ADGRE3: variants seen among roughly 807,000 people sequenced by gnomAD.
ADGRE3 encodes adhesion G protein-coupled receptor E3.
In ADGRE3, 88 loss-of-function variants were observed where a neutral mutation model predicts 80.1. The observed-to-expected ratio is 1.10, with a 90% CI of 0.93 to 1.31. The LOEUF (loss-of-function observed/expected upper bound fraction) is 1.31, where lower values mean the gene tolerates loss of function less well. Ranked by LOEUF, ADGRE3 falls within the 40% of genes most tolerant of loss-of-function variation. The pLI is 0.00. For synonymous variants in ADGRE3, 281 were observed against 294.8 expected (o/e 0.95, Z 0.48); for missense variants, 715 against 776.5 (o/e 0.92, Z 0.94).
the ADGRE3 span, among the ~76,000 whole-genome samples, chr19:14,607,540 AT>A: frequency 6.9e-6 from 1 of 143,920 alleles, no homozygotes; most frequent in African/African-American, 2.6e-5. Flanking sequence ...TACTTGTTTT[AT>A]TTTATTTTAT....
chr19:14,647,502 C>T (rs1203630044), intron 7 of ADGRE3, 137 bp from the exon 8 acceptor site: 14 of 626,550 alleles, frequency 2.2e-5, no homozygotes, highest in African/African-American at 7.5e-5. Context: ...CTGCAACCTC[C>T]GCCTCCCGGG....
the ADGRE3 span, among the ~76,000 whole-genome samples, chr19:14,613,579 T>TTA: frequency 2.6e-5 from 4 of 152,166 alleles, no homozygotes; most frequent in African/African-American, 4.8e-5. Flanking sequence ...GAACAGGTGC[T>TTA]TATAGCAAGG....
intron 11 of ADGRE3, among the ~76,000 whole-genome samples, chr19:14,637,151 A>G (rs1199200884): frequency 6.6e-6 from 1 of 152,186 alleles, no homozygotes; most frequent in East Asian, 1.9e-4. Context: ...ATATTCTTTC[A>G]GGTCCTGTGT....
chr19:14,634,837 T>G (rs1231105939), intron 11 of ADGRE3, among the ~76,000 whole-genome samples: 2 of 140,914 alleles, frequency 1.4e-5, no homozygotes, highest in African/African-American at 5.3e-5. Flanking sequence ...GCCTGGCTGG[T>G]GAAGCAACTG....
At chr19:14,642,034 G>GGA (rs1051986690) in intron 9 of ADGRE3, among the ~76,000 whole-genome samples, 1 of 152,172 alleles carries the variant, frequency 6.6e-6, no homozygotes, top group African/African-American at 2.4e-5. Context: ...GCTGGGGAGA[G>GGA]GAGAGAGAGA....
downstream of ADGRE3, among the ~76,000 whole-genome samples, chr19:14,616,746 T>C (rs1347803941): frequency 3.3e-5 from 5 of 151,210 alleles, no homozygotes; most frequent in Non-Finnish European, 5.9e-5. Flanking sequence ...AGTGAGGAGG[T>C]TGGAGCAAGT....
rs1176602153 is a variant in ADGRE3 at position 14,632,986 on chromosome 19, G to A, written c.1578C>T (p.Val526=). 6.2e-7 allele frequency: 1 copy of A among 1,613,730 alleles called. No homozygotes were observed. Among genetic ancestry groups the A allele is most frequent in the Non-Finnish European group, 8.5e-7 (1 of 1,179,816 alleles). The change falls in exon 13 of 16, where the codon GTC becomes GTT. Residue 526 remains valine, a synonymous_variant. Transcript: ENST00000253673. The part of the protein sequence containing the change: ...FSANLVLFIL[V]FWILKRKLSS... Reference sequence around the variant, plus strand: ...AAAGTTTTCTTTTCAAAATCCAAAAGACCAAGATAAACAATACTAAATTCG... The same window carrying A: ...AAAGTTTTCTTTTCAAAATCCAAAAAACCAAGATAAACAATACTAAATTCG...
chr19:14,630,304 G>A (rs575872289), intron 13 of ADGRE3, 97 bp from the exon 14 acceptor site: 6 of 986,116 alleles, frequency 6.1e-6, no homozygotes, highest in African/African-American at 3.3e-5. Flanking sequence ...TCTGGAGCTA[G>A]ACTACCTGAG....
At chr19:14,601,540 T>G in the ADGRE3 span, among the ~76,000 whole-genome samples, 1 of 152,094 alleles carries the variant, frequency 6.6e-6, no homozygotes, top group African/African-American at 2.4e-5. Flanking sequence ...TTACAGCTAG[T>G]GGGATTTAAG....
intron 7 of ADGRE3, among the ~76,000 whole-genome samples, chr19:14,649,191 C>CCTCT (rs775759889): frequency 2.2e-5 from 3 of 139,486 alleles, no homozygotes; most frequent in Non-Finnish European, 4.7e-5. Context: ...CACCTCTCTC[C>CCTCT]CTCTCTCTCT....
intron 12 of ADGRE3, 89 bp from the exon 13 acceptor site, chr19:14,633,101 G>A (rs1970930593): frequency 3.9e-6 from 5 of 1,266,968 alleles, no homozygotes; most frequent in South Asian, 1.2e-5. Flanking sequence ...CTACCCTCTT[G>A]TACATGGGAC....
In ADGRE3 at chr19:14,655,146, T is replaced by G; in HGVS notation, c.413A>C (p.Lys138Thr). The G allele has an allele frequency of 1.9e-6, 3 of 1,609,260 alleles. No individual in the cohort carries two copies. The highest frequency in any genetic ancestry group is 2.5e-6 in the Non-Finnish European group (3 of 1,178,660). ...CTGATTGGTGAGAAGTGACTCAAAT[T>G]TGTCCACAATCTTTTGCAGCTTTGA... ...GRKELQKIVD[K>T]FESLLTNQTL... The change falls in exon 6 of 16, where the codon AAA becomes ACA. Residue 138 changes from lysine to threonine, a missense_variant. Lys to Thr is a moderately conservative substitution (Grantham distance 78). Transcript: ENST00000253673.
chr19:14,604,500 C>T, the ADGRE3 span, among the ~76,000 whole-genome samples: 1 of 152,088 alleles, frequency 6.6e-6, no homozygotes, highest in Non-Finnish European at 1.5e-5. Context: ...TGCAGTGGCT[C>T]GACTGTAATC....
intron 4 of ADGRE3, among the ~76,000 whole-genome samples, chr19:14,659,383 G>A (rs1971873982): frequency 6.6e-6 from 1 of 152,130 alleles, no homozygotes; most frequent in Non-Finnish European, 1.5e-5. Flanking sequence ...AATTAGAACT[G>A]AAATGTCCGA....
At chr19:14,621,327 C>T (rs987440694) in intron 15 of ADGRE3, among the ~76,000 whole-genome samples, 9 of 151,678 alleles carry the variant, frequency 5.9e-5, no homozygotes, top group Non-Finnish European at 1.0e-4. Flanking sequence ...TGGTGGCGGG[C>T]GCATGTAATC....
chr19:14,651,379 T>TA (rs373465512), intron 6 of ADGRE3, among the ~76,000 whole-genome samples, 175 bp from the exon 7 acceptor site: 6 of 149,402 alleles, frequency 4.0e-5, no homozygotes, highest in Admixed American at 1.3e-4. Flanking sequence ...ATGCTGCCTC[T>TA]AAAAAAAAAA....
chr19:14,601,664 G>A, the ADGRE3 span, among the ~76,000 whole-genome samples: 1 of 152,130 alleles, frequency 6.6e-6, no homozygotes, highest in Non-Finnish European at 1.5e-5. Flanking sequence ...TGTCACTCAA[G>A]CTGGAGTGCA....
rs115599968 is a variant in ADGRE3, at chr19:14,658,268, G to A, written c.393+245C>T. Among the ~76,000 whole-genome samples the A allele has an allele frequency of 4.2e-3, 640 of 150,884 alleles. 10 individuals carry two copies. Among genetic ancestry groups the A allele is most frequent in the African/African-American group, 0.015 (617 of 41,162 alleles). On this transcript the variant is annotated intron_variant, in intron 5 of 15. Coordinates refer to ENST00000253673, the MANE Select transcript of ADGRE3 (RefSeq NM_032571.5). ...ATATATGTATACATACCACAATTAT[G>A]CATAATATATAATTGTATATAATAT...
chr19:14,658,407 T>C (rs539004283), intron 5 of ADGRE3, 106 bp downstream of exon 5: 2 of 477,358 alleles, frequency 4.2e-6, no homozygotes, highest in East Asian at 8.1e-5. Flanking sequence ...ATATATAATA[T>C]ATATTTTGCC....
Sources: gnomAD v4.1 joint callset for allele counts (sites outside exome capture counted in the v4.1 genomes callset) on GRCh38, gnomAD v4.1.1 for gene constraint, MANE v1.5 for transcripts, NCBI Gene and HGNC (gene_info 2026-07-23, HGNC 2026-07-21) for gene names.